PAX2: variants seen among roughly 807,000 people sequenced by gnomAD.
PAX2 encodes the protein paired box protein Pax-2.
Under a neutral mutation model 41.7 loss-of-function variants are expected in PAX2, and 9 were observed. The ratio of observed to expected loss-of-function variants is 0.22; its 90% CI spans 0.13 to 0.38. The LOEUF (loss-of-function observed/expected upper bound fraction) is 0.38, where lower values mean the gene tolerates loss of function less well. Ranked by LOEUF, PAX2 falls within the 10% of genes least tolerant of loss-of-function variation. The probability of loss-of-function intolerance (pLI) is 1.00; values close to 1 mark genes in which losing one functional copy is unlikely to be tolerated. For missense variants in PAX2, 418 were observed against 531.6 expected (o/e 0.79, Z 2.10); for synonymous variants, 221 against 212.7 (o/e 1.04, Z -0.34).
At chr10:100,797,244 A>T (rs1362440294) in intron 5 of PAX2, among the ~76,000 whole-genome samples, 2 of 152,232 alleles carry the variant, frequency 1.3e-5, no homozygotes, top group African/African-American at 4.8e-5. Context: ...TAACTGTGAT[A>T]CGAAGAGATT....
At chr10:100,823,225 C>T (rs763270110) in intron 7 of PAX2, among the ~76,000 whole-genome samples, 10 of 152,040 alleles carry the variant, frequency 6.6e-5, no homozygotes, top group South Asian at 2.1e-4. Context: ...TCATAAGAAC[C>T]GACAGAGGGA....
intron 1 of PAX2, among the ~76,000 whole-genome samples, chr10:100,736,717 T>A (rs1397134050): frequency 6.6e-6 from 1 of 152,068 alleles, no homozygotes; most frequent in Non-Finnish European, 1.5e-5. Flanking sequence ...CCTAGGGCCT[T>A]GTCCCCACTG....
chr10:100,742,023 T>C (rs979190403), upstream of PAX2, among the ~76,000 whole-genome samples: 3 of 152,082 alleles, frequency 2.0e-5, no homozygotes, highest in African/African-American at 7.2e-5. Context: ...CGCGGCCCCC[T>C]CCGTCTCACC....
intron 3 of PAX2, among the ~76,000 whole-genome samples, chr10:100,756,664 T>C (rs978811281): frequency 2.6e-5 from 4 of 152,238 alleles, no homozygotes; most frequent in African/African-American, 9.6e-5. Flanking sequence ...TTTCAACTTA[T>C]CGAGCCATTA....
At chr10:100,800,685 C>T (rs1847530661) in intron 5 of PAX2, among the ~76,000 whole-genome samples, 1 of 152,222 alleles carries the variant, frequency 6.6e-6, no homozygotes, top group African/African-American at 2.4e-5. Flanking sequence ...GTGTCTCCCT[C>T]CCCAAGCTGC....
intron 5 of PAX2, among the ~76,000 whole-genome samples, chr10:100,789,297 G>A (rs902505591): frequency 2.6e-5 from 4 of 152,126 alleles, no homozygotes; most frequent in Admixed American, 2.0e-4. Context: ...GTAGAGACAG[G>A]GTTTCACCAT....
At chr10:100,771,568 C>T (rs758040590) in intron 3 of PAX2, among the ~76,000 whole-genome samples, 1 of 152,140 alleles carries the variant, frequency 6.6e-6, no homozygotes, top group African/African-American at 2.4e-5. Context: ...GGGGGAGACT[C>T]TAGTTCCTTA....
chr10:100,804,690 C>T (rs12773509), intron 5 of PAX2, among the ~76,000 whole-genome samples: 23,324 of 152,222 alleles, frequency 0.15, 2,280 homozygotes, highest in Middle Eastern at 0.33. Context: ...TTTCCACACA[C>T]GCAGACCCTT....
At chr10:100,763,789 A>G (rs1182003231) in intron 3 of PAX2, among the ~76,000 whole-genome samples, 3 of 152,224 alleles carry the variant, frequency 2.0e-5, no homozygotes, top group African/African-American at 7.2e-5. Context: ...ACATAAAGCT[A>G]TGTGGCATAG....
At chr10:100,787,056 G>A (rs1846898041) in intron 5 of PAX2, 1 of 1,142,798 alleles carries the variant, frequency 8.8e-7, no homozygotes, top group Non-Finnish European at 1.2e-6. Flanking sequence ...AAGGGAAATA[G>A]CTTGGGGGTG....
rs1450510695 is a variant in PAX2 at position 100,827,573 on chromosome 10, G to A, written c.1139G>A (p.Arg380Gln). The A allele has an allele frequency of 6.2e-6, 10 of 1,613,260 alleles. No homozygotes were observed. The highest frequency in any genetic ancestry group is 8.5e-6 in the Non-Finnish European group (10 of 1,179,476). ...CCTTATTATTATAGTGCCGCCCCCCGGGGCTCCGCCCCTGCCGCTGCTGCC... is the reference window on the plus strand; with the variant it reads ...CCTTATTATTATAGTGCCGCCCCCCAGGGCTCCGCCCCTGCCGCTGCTGCC... ...SSPYYYSAAP[R>Q]GSAPAAAAAA... The change falls in exon 10 of 10, where the codon CGG becomes CAG. Residue 380 changes from arginine (R) to glutamine (Q), a missense_variant. Physicochemically the swap from Arg to Gln is conservative, Grantham distance 43 (BLOSUM62 1). Transcript: ENST00000355243. This position sits in a 1 kb window ranked among gnomAD's most constrained non-coding sequence, Gnocchi z 8.5.
At chr10:100,754,712 T>C (rs2133844899) in intron 3 of PAX2, among the ~76,000 whole-genome samples, 1 of 152,352 alleles carries the variant, frequency 6.6e-6, no homozygotes, top group Non-Finnish European at 1.5e-5. Flanking sequence ...GAGCTATTAA[T>C]CCTAGCCCCG....
In PAX2 at chr10:100,745,710, G is replaced by A. The variant is rs952282541; in HGVS notation, c.-551G>A. Reference sequence around the variant, plus strand: ...CGGCGTGCGCCTGCCTTTTCCGGGGGCGGGGGCCTGGCCCGCGCGCTCCCC... The same window carrying A: ...CGGCGTGCGCCTGCCTTTTCCGGGGACGGGGGCCTGGCCCGCGCGCTCCCC... On this transcript the variant is annotated 5_prime_UTR_variant, in exon 1 of 10. Coordinates refer to ENST00000355243, the MANE Select transcript of PAX2 (RefSeq NM_000278.5). 23 of 1,019,760 alleles carry A rather than the reference G, an allele frequency of 2.3e-5. No individual in the cohort carries two copies. Among genetic ancestry groups the A allele is most frequent in the African/African-American group, 6.9e-5 (4 of 58,230 alleles). The allele number at this position is 1,019,760 out of a possible 1,614,324, so 63.2% of individuals were successfully genotyped here. A position where few individuals can be genotyped will look rare whatever the true frequency, so the allele number is the denominator to read the frequency against.
upstream of PAX2, among the ~76,000 whole-genome samples, chr10:100,742,694 G>A (rs1756959832): frequency 6.6e-6 from 1 of 152,052 alleles, no homozygotes. Context: ...GGGGGTGGAA[G>A]GGCCGCTTTG....
intron 3 of PAX2, among the ~76,000 whole-genome samples, chr10:100,757,735 CT>C (rs1845684795): frequency 3.9e-5 from 6 of 152,178 alleles, no homozygotes; most frequent in Non-Finnish European, 8.8e-5. Flanking sequence ...AGGGAAGAGG[CT>C]TACTGTTTGT....
intron 5 of PAX2, among the ~76,000 whole-genome samples, chr10:100,805,441 C>G (rs1847744379): frequency 6.6e-6 from 1 of 152,170 alleles, no homozygotes; most frequent in African/African-American, 2.4e-5. Flanking sequence ...GGAAACCCCA[C>G]TTTGGGGGGC....
At position 100,827,624 on chromosome 10, in the gene PAX2, C is replaced by T; in HGVS notation, c.*5C>T. On this transcript the variant is annotated 3_prime_UTR_variant, in exon 10 of 10. Transcript: ENST00000355243. The surrounding 1 kb of genome is among the most constrained non-coding windows in gnomAD (Gnocchi z 8.5). The stretch of plus-strand genomic sequence containing the variant: ...GCTGCCTATGACCGCCACTAGTTAC[C>T]GCGGGGACCACATCAAGCTTCAGGC... The T allele has an allele frequency of 1.9e-6, 3 of 1,613,954 alleles. No individual in the cohort carries two copies. The highest frequency in any genetic ancestry group is 2.5e-6 in the Non-Finnish European group (3 of 1,179,936).
At chr10:100,741,314 T>C (rs551905546), upstream of PAX2, among the ~76,000 whole-genome samples, 1 of 144,862 alleles carries the variant, frequency 6.9e-6, no homozygotes, top group South Asian at 2.2e-4. Context: ...TAGGGGGTCT[T>C]AGATGAAAAA....
chr10:100,776,706 T>C (rs1846399954), intron 3 of PAX2, among the ~76,000 whole-genome samples: 1 of 152,132 alleles, frequency 6.6e-6, no homozygotes, highest in South Asian at 2.1e-4. Context: ...AGGACCAACA[T>C]CACCACTTCC....
Sources: allele counts gnomAD v4.1 joint callset (sites outside exome capture counted in the v4.1 genomes callset), GRCh38; gene constraint gnomAD v4.1.1; non-coding constraint Gnocchi (gnomAD v3.1); transcripts MANE v1.5; gene names NCBI Gene and HGNC (gene_info 2026-07-23, HGNC 2026-07-21).